The following LIPC variants were observed in gnomAD, a reference collection of about 807,000 sequenced individuals.
LIPC encodes lipase C, hepatic type, also known as hepatic triacylglycerol lipase.
A neutral mutation model predicts 50.7 loss-of-function variants in LIPC; 44 were observed. The ratio of observed to expected loss-of-function variants is 0.87; its 90% CI spans 0.68 to 1.11. The LOEUF is 1.11. LIPC is among the 50% of genes most tolerant of loss of function. The pLI, the probability that LIPC is intolerant of heterozygous loss-of-function variation, is 0.00. For synonymous variants in LIPC, 271 were observed against 256.4 expected (o/e 1.06, Z -0.54); for missense variants, 697 against 648.2 (o/e 1.08, Z -0.82).
chr15:58,501,198 C>A (rs539927974), intron 1 of LIPC, among the ~76,000 whole-genome samples: 2 of 152,280 alleles, frequency 1.3e-5, no homozygotes, highest in South Asian at 4.1e-4. Flanking sequence ...TTTGTCATCT[C>A]CTCCCAGAAC....
intron 1 of LIPC, among the ~76,000 whole-genome samples, chr15:58,527,898 A>G (rs1464076078): frequency 2.0e-5 from 3 of 152,168 alleles, no homozygotes; most frequent in Non-Finnish European, 4.4e-5. Context: ...GGGAAGCCCT[A>G]GGGAGGTTCA....
At chr15:58,490,869 CTG>C (rs1891562891) in intron 1 of LIPC, among the ~76,000 whole-genome samples, 2 of 152,126 alleles carry the variant, frequency 1.3e-5, no homozygotes, top group South Asian at 4.1e-4. Context: ...TTTCAGGTCT[CTG>C]AGAGCCCAGA....
chr15:58,496,150 C>G (rs1241423833), intron 1 of LIPC, among the ~76,000 whole-genome samples: 1 of 152,050 alleles, frequency 6.6e-6, no homozygotes, highest in African/African-American at 2.4e-5. Context: ...GCTCCCTCAC[C>G]CCATGGGACA....
intron 1 of LIPC, among the ~76,000 whole-genome samples, chr15:58,501,935 C>G (rs764468796): frequency 2.0e-5 from 3 of 152,084 alleles, no homozygotes; most frequent in Non-Finnish European, 2.9e-5. Context: ...TCTGTTATGT[C>G]TCTTGATGTT....
chr15:58,449,132 G>T (rs1238349857), intron 1 of LIPC, among the ~76,000 whole-genome samples: 1 of 152,180 alleles, frequency 6.6e-6, no homozygotes, highest in Non-Finnish European at 1.5e-5. Context: ...AGGCTCCAAG[G>T]GCCCTTTGTC....
intron 1 of LIPC, among the ~76,000 whole-genome samples, chr15:58,523,779 T>A (rs546957871): frequency 4.0e-4 from 61 of 152,024 alleles, no homozygotes; most frequent in African/African-American, 1.4e-3. Context: ...ATAAATAAAT[T>A]AGCTAGTGGA....
chr15:58,512,961 G>GAAA (rs112463338), intron 1 of LIPC, among the ~76,000 whole-genome samples: 2 of 125,350 alleles, frequency 1.6e-5, no homozygotes, highest in African/African-American at 3.0e-5. Flanking sequence ...AAGCATCAAC[G>GAAA]AAAAAAAAAA....
intron 1 of LIPC, among the ~76,000 whole-genome samples, chr15:58,470,889 A>T (rs1894768904): frequency 6.6e-6 from 1 of 152,168 alleles, no homozygotes; most frequent in Non-Finnish European, 1.5e-5. Context: ...TGAAAGTATG[A>T]GTAGATAGAG....
intron 6 of LIPC, among the ~76,000 whole-genome samples, chr15:58,555,786 A>G (rs1893924000): frequency 6.6e-6 from 1 of 152,164 alleles, no homozygotes; most frequent in Admixed American, 6.5e-5. Flanking sequence ...GCTGTGGGAA[A>G]ACCAGAGCCA....
intron 1 of LIPC, among the ~76,000 whole-genome samples, chr15:58,484,537 T>C (rs969653515): frequency 3.3e-5 from 5 of 152,226 alleles, no homozygotes; most frequent in Non-Finnish European, 5.9e-5. Flanking sequence ...ATTCATTTAA[T>C]CCTCACAGCA....
At chr15:58,506,987 G>T (rs114294733) in intron 1 of LIPC, among the ~76,000 whole-genome samples, 1 of 152,198 alleles carries the variant, frequency 6.6e-6, no homozygotes, top group African/African-American at 2.4e-5. Flanking sequence ...CCCAGCGAAG[G>T]GGTAGGGGAA....
chr15:58,515,975 G>C (rs11630220), intron 1 of LIPC, among the ~76,000 whole-genome samples: 3 of 152,026 alleles, frequency 2.0e-5, no homozygotes, highest in Admixed American at 6.5e-5. Context: ...GCGCGAACAC[G>C]GGGCTGTAAT....
chr15:58,440,941 G>A (rs796088732), intron 1 of LIPC, among the ~76,000 whole-genome samples: 9 of 151,888 alleles, frequency 5.9e-5, no homozygotes, highest in African/African-American at 1.9e-4. Context: ...CCAGAGGGAA[G>A]GACAGGAAGG....
chr15:58,469,682 G>T lies in LIPC; in HGVS notation c.88+37562G>T, dbSNP rs539974112. 9.8e-5 allele frequency among the ~76,000 whole-genome samples: 15 copies of T among 152,350 alleles called. No homozygotes were observed. The South Asian group carries it at 2.9e-3, about 29-fold the overall frequency. The stretch of plus-strand genomic sequence containing the variant: ...GGAGGACTGGCCACCAGGCTTTACA[G>T]CCCAGAGCAGAGAAACACTGTGGCC... On this transcript the variant is annotated intron_variant, in intron 1 of 8. Coordinates refer to ENST00000299022, the MANE Select transcript of LIPC (RefSeq NM_000236.3).
rs78333550 is a variant in LIPC at position 58,567,321 on chromosome 15, G to A, written c.1389-1395G>A. Among the ~76,000 whole-genome samples, 73 of 27,948 alleles carry A rather than the reference G, an allele frequency of 2.6e-3. No individual in the cohort carries two copies. The East Asian group carries it at 0.029, about 11-fold the overall frequency. The allele number at this position is 27,948 out of a possible 152,430, so 18.3% of individuals were successfully genotyped here. A position where few individuals can be genotyped will look rare whatever the true frequency, so the allele number is the denominator to read the frequency against. On this transcript the variant is annotated intron_variant, in intron 8 of 8. Coordinates refer to ENST00000299022, the MANE Select transcript of LIPC (RefSeq NM_000236.3). ...TATATATATACATATATATGTATAT[G>A]TGTATATATATATATATGTATATGT...
chr15:58,524,191 G>A (rs1287271184), intron 1 of LIPC, among the ~76,000 whole-genome samples: 2 of 152,008 alleles, frequency 1.3e-5, no homozygotes, highest in Non-Finnish European at 2.9e-5. Flanking sequence ...TTCCACAAAA[G>A]TATCACACTT....
intron 1 of LIPC, among the ~76,000 whole-genome samples, chr15:58,443,029 C>G (rs1213455451): frequency 6.6e-6 from 1 of 152,210 alleles, no homozygotes. Context: ...TCTCATGCCT[C>G]AGCTTCCCAA....
At chr15:58,484,304 A>C (rs1891291030) in intron 1 of LIPC, among the ~76,000 whole-genome samples, 1 of 152,220 alleles carries the variant, frequency 6.6e-6, no homozygotes, top group East Asian at 1.9e-4. Context: ...TCTGGGCACC[A>C]GCATATAGAA....
chr15:58,478,095 T>G (rs1212615686), intron 1 of LIPC, among the ~76,000 whole-genome samples: 1 of 152,168 alleles, frequency 6.6e-6, no homozygotes, highest in Admixed American at 6.5e-5. Context: ...TGGCCCATCC[T>G]AAAGCCATCT....
Sources: gnomAD v4.1 joint callset for allele counts (sites outside exome capture counted in the v4.1 genomes callset) on GRCh38, gnomAD v4.1.1 for gene constraint, MANE v1.5 for transcripts, NCBI Gene and HGNC (gene_info 2026-07-23, HGNC 2026-07-21) for gene names.